Variants in GRM7 observed in about 807,000 individuals in gnomAD.
GRM7 encodes glutamate metabotropic receptor 7.
A neutral mutation model predicts 84.5 loss-of-function variants in GRM7; 35 were observed. The observed-to-expected ratio is 0.41, with a 90% CI of 0.32 to 0.55. GRM7 has a LOEUF of 0.55. Among genes scored for constraint, GRM7 ranks in the 20% least tolerant of loss-of-function variants. The pLI is 0.19. For missense variants in GRM7, 1,003 were observed against 1,194.6 expected, an observed-to-expected ratio of 0.84 and a Z score of 2.36; for synonymous variants, 487 against 455.1, an observed-to-expected ratio of 1.07 and a Z score of -0.89.
At chr3:7,305,241 A>G (rs1188361081) in intron 3 of GRM7, among the ~76,000 whole-genome samples, 2 of 147,772 alleles carry the variant, frequency 1.4e-5, no homozygotes, top group African/African-American at 5.1e-5. Flanking sequence ...TCTACCTTTT[A>G]CTATTTTGGT....
intron 7 of GRM7, among the ~76,000 whole-genome samples, chr3:7,478,339 T>A (rs1699003910): frequency 6.6e-6 from 1 of 152,164 alleles, no homozygotes; most frequent in Non-Finnish European, 1.5e-5. Context: ...CTTCTTGTGA[T>A]ATGGGCAAGG....
intron 1 of GRM7, among the ~76,000 whole-genome samples, chr3:7,074,330 G>C (rs73029536): frequency 0.18 from 27,503 of 152,014 alleles, 2,637 homozygotes; most frequent in South Asian, 0.23. Context: ...GTTCATTTAG[G>C]TTGAACCATA....
At chr3:7,472,892 G>A (rs1194473955) in intron 7 of GRM7, among the ~76,000 whole-genome samples, 1 of 152,140 alleles carries the variant, frequency 6.6e-6, no homozygotes, top group East Asian at 1.9e-4. Context: ...TCAATATTTT[G>A]TTTTTGTTGC....
At chr3:7,558,187 C>T (rs2125033077) in intron 7 of GRM7, among the ~76,000 whole-genome samples, 1 of 152,188 alleles carries the variant, frequency 6.6e-6, no homozygotes, top group East Asian at 1.9e-4. Context: ...TTTAAATTTA[C>T]ATTTAATGCT....
rs1209737634 is a variant in GRM7 at position 7,133,918 on chromosome 3, T to C, written c.520-12534T>C. Among the ~76,000 whole-genome samples the C allele has an allele frequency of 3.3e-5, 5 of 152,252 alleles. No individual in the cohort carries two copies. The East Asian group carries it at 7.8e-4, about 24-fold the overall frequency. On this transcript the variant is annotated intron_variant, in intron 1 of 9. Coordinates refer to ENST00000357716, the MANE Select transcript of GRM7 (RefSeq NM_000844.4). ...CCACGTTGGGATGGAAAGGCCTTCA[T>C]TGTATTATGTCATTGAATGCTGTGG...
chr3:7,489,897 TATG>T (rs1699459570), intron 7 of GRM7, among the ~76,000 whole-genome samples: 1 of 151,704 alleles, frequency 6.6e-6, no homozygotes, highest in African/African-American at 2.4e-5. Context: ...TTCATTAATT[TATG>T]ATATTATATA....
intron 1 of GRM7, among the ~76,000 whole-genome samples, chr3:7,140,266 A>G (rs191292312): frequency 9.7e-4 from 147 of 152,190 alleles, no homozygotes; most frequent in African/African-American, 3.3e-3. Context: ...AAAGGTAGGT[A>G]GTATGTCAGA....
chr3:6,932,244 C>A (rs1482920874), intron 1 of GRM7, among the ~76,000 whole-genome samples: 1 of 152,154 alleles, frequency 6.6e-6, no homozygotes, highest in Non-Finnish European at 1.5e-5. Flanking sequence ...GGATACTTTG[C>A]CTACCGAGGG....
chr3:7,198,476 A>G (rs1212116125), intron 2 of GRM7, among the ~76,000 whole-genome samples: 3 of 152,176 alleles, frequency 2.0e-5, no homozygotes, highest in Non-Finnish European at 4.4e-5. Context: ...ACATGCACAG[A>G]TGCTCCTTGA....
chr3:6,950,608 C>A (rs1692710679), intron 1 of GRM7, among the ~76,000 whole-genome samples: 1 of 152,220 alleles, frequency 6.6e-6, no homozygotes, highest in African/African-American at 2.4e-5. Flanking sequence ...TTTAAGTCTG[C>A]AGAGGTTATT....
intron 2 of GRM7, among the ~76,000 whole-genome samples, chr3:7,162,729 A>ATTTTTTTTTTTTTTTTTTTTTTTTTT (rs71063284): frequency 7.3e-5 from 4 of 54,718 alleles, no homozygotes; most frequent in Admixed American, 2.8e-4. Context: ...CCCATTTTTC[A>ATTTTTTTTTTTTTTTTTTTTTTTTTT]TTTTTTTTTT....
chr3:6,942,565 A>T (rs907928127), intron 1 of GRM7, among the ~76,000 whole-genome samples: 1 of 152,154 alleles, frequency 6.6e-6, no homozygotes, highest in African/African-American at 2.4e-5. Context: ...TTAATAGTGT[A>T]TTCCTTTTAA....
intron 5 of GRM7, among the ~76,000 whole-genome samples, chr3:7,443,915 C>G (rs1016527416): frequency 6.6e-6 from 1 of 152,002 alleles, no homozygotes; most frequent in Non-Finnish European, 1.5e-5. Context: ...TTTTACATGC[C>G]TACATACGTA....
At chr3:7,438,827 A>G (rs1697165639) in intron 5 of GRM7, among the ~76,000 whole-genome samples, 1 of 152,158 alleles carries the variant, frequency 6.6e-6, no homozygotes, top group African/African-American at 2.4e-5. Flanking sequence ...TCTGGGGGAC[A>G]CACACAATAT....
chr3:7,288,905 T>G (rs1401764392), intron 2 of GRM7, among the ~76,000 whole-genome samples: 1 of 152,158 alleles, frequency 6.6e-6, no homozygotes, highest in African/African-American at 2.4e-5. Context: ...GATTTGAAGT[T>G]TTCTGGATGG....
chr3:7,042,089 C>T (rs889242799), intron 1 of GRM7, among the ~76,000 whole-genome samples: 1 of 152,140 alleles, frequency 6.6e-6, no homozygotes, highest in Non-Finnish European at 1.5e-5. Flanking sequence ...GATCTGTATC[C>T]TTTGTAATAT....
At chr3:7,257,557 C>T (rs1050204306) in intron 2 of GRM7, among the ~76,000 whole-genome samples, 3 of 152,142 alleles carry the variant, frequency 2.0e-5, no homozygotes, top group Admixed American at 6.6e-5. Flanking sequence ...ACTGTAAGGG[C>T]AAAACCATGA....
rs1700310270 is a variant in GRM7, at chr3:7,680,237, C to T, written c.2640C>T (p.Pro880=). The T allele has an allele frequency of 6.2e-7, 1 of 1,613,804 alleles. No individual in the cohort carries two copies. Among genetic ancestry groups the T allele is most frequent in the Admixed American group, 1.7e-5 (1 of 60,006 alleles). Reference sequence around the variant, plus strand: ...TGTCATCGAGGCTGTCACACAAACCCAGTGACAGACCCAACGGTGAGGCAA... The same window carrying T: ...TGTCATCGAGGCTGTCACACAAACCTAGTGACAGACCCAACGGTGAGGCAA... The part of the protein sequence containing the change: ...ATMSSRLSHK[P]SDRPNGEAKT... The change falls in exon 9 of 10, where the codon CCC becomes CCT. Residue 880 remains proline (P), a synonymous_variant. Transcript: ENST00000357716.
chr3:6,874,800 G>A (rs772047607), intron 1 of GRM7, among the ~76,000 whole-genome samples: 1 of 152,192 alleles, frequency 6.6e-6, no homozygotes, highest in Non-Finnish European at 1.5e-5. Flanking sequence ...GTACTAGGAG[G>A]TAGTGAAGGG....
Sources: gnomAD v4.1 joint callset for allele counts (sites outside exome capture counted in the v4.1 genomes callset) on GRCh38, gnomAD v4.1.1 for gene constraint, MANE v1.5 for transcripts, NCBI Gene and HGNC (gene_info 2026-07-23, HGNC 2026-07-21) for gene names.